Variants in AP4E1 observed in about 807,000 individuals in gnomAD.
The protein encoded by AP4E1 is adaptor related protein complex 4 subunit epsilon 1.
AP4E1 carries 56 observed loss-of-function variants against 128.2 expected under a neutral mutation model. The ratio of observed to expected loss-of-function variants is 0.44; its 90% CI spans 0.35 to 0.55. AP4E1 has a LOEUF of 0.55. Among genes scored for constraint, AP4E1 ranks in the 20% least tolerant of loss-of-function variants. AP4E1 has a pLI of 0.00. For synonymous variants in AP4E1, 484 were observed against 473.1 expected, an observed-to-expected ratio of 1.02 and a Z score of -0.30; for missense variants, 1,324 against 1,307.7, an observed-to-expected ratio of 1.01 and a Z score of -0.19.
chr15:50,912,205 A>T, intron 2 of AP4E1, 56 bp downstream of exon 2: 1 of 1,433,080 alleles, frequency 7.0e-7, no homozygotes, highest in South Asian at 1.1e-5. Flanking sequence ...GTCACTGTGG[A>T]CTCAATAGTG....
At chr15:50,940,342 A>C (rs1054763805) in intron 8 of AP4E1, among the ~76,000 whole-genome samples, 15 of 152,010 alleles carry the variant, frequency 9.9e-5, no homozygotes, top group Non-Finnish European at 1.3e-4. Context: ...AGAGGTTTAA[A>C]ATTTTTTTTT....
At chr15:50,954,535 T>G (rs181202699) in intron 13 of AP4E1, among the ~76,000 whole-genome samples, 20 of 152,320 alleles carry the variant, frequency 1.3e-4, no homozygotes, top group African/African-American at 4.8e-4. Flanking sequence ...AGAGTATTGT[T>G]TAGTTTCTGA....
At position 50,930,662 on chromosome 15, in the gene AP4E1, T is replaced by C. The variant is rs891471756; in HGVS notation, c.703-143T>C. On this transcript the variant is annotated intron_variant, in intron 6 of 20. Coordinates refer to ENST00000261842, the MANE Select transcript of AP4E1 (RefSeq NM_007347.5). ...CAGAGGAATTTTATCATGGAAGATA[T>C]TATACATATTAGAGCACTGTTTCAT... 8 of 818,438 alleles carry C rather than the reference T, an allele frequency of 9.8e-6. No individual in the cohort carries two copies. In the African/African-American group the frequency reaches 1.4e-4, roughly 14 times the overall value. 50.7% of individuals were successfully genotyped at this position (818,438 alleles called of 1,614,324 possible).
At chr15:50,912,224 C>A in intron 2 of AP4E1, 75 bp downstream of exon 2, 2 of 1,286,182 alleles carry the variant, frequency 1.6e-6, no homozygotes, top group Non-Finnish European at 2.3e-6. Flanking sequence ...TGGCATCTAA[C>A]TGATGATCGG....
intron 15 of AP4E1, among the ~76,000 whole-genome samples, chr15:50,983,523 T>G (rs2064670854): frequency 6.6e-6 from 1 of 152,188 alleles, no homozygotes; most frequent in South Asian, 2.1e-4. Context: ...TTCTTGGCTC[T>G]TATTGAATTA....
At chr15:50,992,376 A>G (rs1016338305) in intron 16 of AP4E1, among the ~76,000 whole-genome samples, 1 of 152,150 alleles carries the variant, frequency 6.6e-6, no homozygotes, top group South Asian at 2.1e-4. Context: ...TTCAAGGGTC[A>G]TTGGTATGTA....
chr15:51,000,128 G>A (rs751561801), intron 19 of AP4E1, among the ~76,000 whole-genome samples: 6 of 134,206 alleles, frequency 4.5e-5, no homozygotes, highest in Non-Finnish European at 6.3e-5. Context: ...CAATGCTCTC[G>A]TTTTTGTTCA....
At chr15:50,996,822 A>G (rs1306589924) in intron 17 of AP4E1, among the ~76,000 whole-genome samples, 1 of 152,212 alleles carries the variant, frequency 6.6e-6, no homozygotes, top group South Asian at 2.1e-4. Flanking sequence ...CCAGTCAGCT[A>G]CTGCCAGTTA....
At chr15:50,955,630 A>G (rs571850850) in intron 13 of AP4E1, among the ~76,000 whole-genome samples, 1 of 151,762 alleles carries the variant, frequency 6.6e-6, no homozygotes, top group African/African-American at 2.4e-5. Context: ...GAAAATCCTG[A>G]CTCCATCAGG....
chr15:50,944,887 CA>C, intron 10 of AP4E1: 2 of 816,892 alleles, frequency 2.4e-6, no homozygotes, highest in Non-Finnish European at 4.2e-6. Context: ...GCAAAGCATC[CA>C]AAGAACCTGG....
intron 1 of AP4E1, among the ~76,000 whole-genome samples, 158 bp downstream of exon 1, chr15:50,909,086 C>T (rs967861997): frequency 2.6e-5 from 4 of 152,248 alleles, no homozygotes; most frequent in Non-Finnish European, 4.4e-5. Context: ...TGCCTGGAAG[C>T]TTCACTTTCC....
At position 50,931,252 on chromosome 15, in the gene AP4E1, C is replaced by G. The variant is rs8032236; in HGVS notation, c.869+281C>G. On this transcript the variant is annotated intron_variant, in intron 7 of 20. Coordinates refer to ENST00000261842, the MANE Select transcript of AP4E1 (RefSeq NM_007347.5). ...TTGTTCTAGTTCAGGGGTTGGGAAACTTTCTGCAAAGGGCCAGATAATAAA... is the reference window on the plus strand; with the variant it reads ...TTGTTCTAGTTCAGGGGTTGGGAAAGTTTCTGCAAAGGGCCAGATAATAAA... Among the ~76,000 whole-genome samples the G allele has an allele frequency of 0.14, 20,985 of 152,066 alleles. 1,588 individuals are homozygous for G. The highest frequency in any genetic ancestry group is 0.2 in the South Asian group (968 of 4,816).
intron 11 of AP4E1, among the ~76,000 whole-genome samples, 199 bp downstream of exon 11, chr15:50,948,358 G>A (rs1273519054): frequency 3.8e-5 from 2 of 53,264 alleles, no homozygotes; most frequent in Admixed American, 1.8e-4. Flanking sequence ...TTTTTTTTTT[G>A]CTGGTTTCTT....
At chr15:50,991,759 T>G (rs1309314542) in intron 16 of AP4E1, among the ~76,000 whole-genome samples, 2 of 152,130 alleles carry the variant, frequency 1.3e-5, no homozygotes, top group Non-Finnish European at 2.9e-5. Flanking sequence ...TTACCTGTTT[T>G]TGTTTTGTTT....
intron 13 of AP4E1, among the ~76,000 whole-genome samples, chr15:50,957,761 C>A (rs976291402): frequency 7.7e-5 from 11 of 143,212 alleles, no homozygotes; most frequent in Non-Finnish European, 1.6e-4. Context: ...ACTGCAACAT[C>A]TGCCTCCCAG....
intron 15 of AP4E1, among the ~76,000 whole-genome samples, chr15:50,973,731 G>T (rs1042022441): frequency 6.6e-6 from 1 of 152,088 alleles, no homozygotes; most frequent in Non-Finnish European, 1.5e-5. Context: ...CTATGTTGTC[G>T]TATATTGCAG....
At chr15:50,911,994 A>G in intron 1 of AP4E1, 84 bp from the exon 2 acceptor site, 1 of 1,041,952 alleles carries the variant, frequency 9.6e-7, no homozygotes, top group East Asian at 2.5e-5. Flanking sequence ...AAAGTATTGT[A>G]AATTATATTT....
At chr15:50,988,250 G>C (rs930391919) in intron 16 of AP4E1, among the ~76,000 whole-genome samples, 1 of 152,162 alleles carries the variant, frequency 6.6e-6, no homozygotes, top group African/African-American at 2.4e-5. Flanking sequence ...CTACCAAACA[G>C]CAGATGTATG....
chr15:50,960,162 A>G (rs891315899), intron 14 of AP4E1, among the ~76,000 whole-genome samples: 1 of 152,202 alleles, frequency 6.6e-6, no homozygotes, highest in Non-Finnish European at 1.5e-5. Flanking sequence ...GTAGAACCCC[A>G]TACAGTCATA....
Sources: gnomAD v4.1 joint callset for allele counts (sites outside exome capture counted in the v4.1 genomes callset) on GRCh38, gnomAD v4.1.1 for gene constraint, MANE v1.5 for transcripts, NCBI Gene and HGNC (gene_info 2026-07-23, HGNC 2026-07-21) for gene names.